The following FGF12 variants were observed in gnomAD, a reference collection of about 807,000 sequenced individuals.
The protein encoded by FGF12 is fibroblast growth factor 12B.
A neutral mutation model predicts 23.6 loss-of-function variants in FGF12; 14 were observed. The ratio of observed to expected loss-of-function variants is 0.59; its 90% CI spans 0.39 to 0.93. The LOEUF (loss-of-function observed/expected upper bound fraction) is 0.93, where lower values mean the gene tolerates loss of function less well. Ranked by LOEUF, FGF12 falls within the 40% of genes least tolerant of loss-of-function variation. The probability of loss-of-function intolerance (pLI) is 0.00; values close to 1 mark genes in which losing one functional copy is unlikely to be tolerated. For synonymous variants in FGF12, 62 were observed against 77.3 expected, an observed-to-expected ratio of 0.80 and a Z score of 1.04; for missense variants, 175 against 217.8, an observed-to-expected ratio of 0.80 and a Z score of 1.24.
At chr3:192,543,171 T>A (rs961849700) in intron 2 of FGF12, among the ~76,000 whole-genome samples, 2 of 152,168 alleles carry the variant, frequency 1.3e-5, no homozygotes, top group African/African-American at 4.8e-5. Flanking sequence ...ACCTTAGGAA[T>A]CTACCTGTTG....
At chr3:192,343,425 A>G (rs2108711528) in intron 3 of FGF12, among the ~76,000 whole-genome samples, 1 of 152,168 alleles carries the variant, frequency 6.6e-6, no homozygotes, top group East Asian at 1.9e-4. Context: ...ATTTTCTCCT[A>G]CAATAAATCC....
rs1266214233 is a variant in FGF12, at chr3:192,293,408, T to C, written c.228+41953A>G. Among the ~76,000 whole-genome samples, 3 of 152,246 alleles carry C rather than the reference T, an allele frequency of 2.0e-5. No homozygotes were observed. In the South Asian group the frequency reaches 6.2e-4, roughly 31 times the overall value. On this transcript the variant is annotated intron_variant, in intron 4 of 5. Transcript: ENST00000445105. ...CCAGTGCTAAATTTGAACCTCATTCTCAAGGGTTTTCTAAAATAAAACTTA... is the reference window on the plus strand; with the variant it reads ...CCAGTGCTAAATTTGAACCTCATTCCCAAGGGTTTTCTAAAATAAAACTTA...
At chr3:192,250,171 T>A (rs1441980153) in intron 4 of FGF12, among the ~76,000 whole-genome samples, 3 of 152,186 alleles carry the variant, frequency 2.0e-5, no homozygotes, top group Non-Finnish European at 4.4e-5. Flanking sequence ...AACCTAACGT[T>A]TTAGGGTATG....
chr3:192,551,023 CT>C (rs1711515135), intron 2 of FGF12, among the ~76,000 whole-genome samples: 1 of 152,162 alleles, frequency 6.6e-6, no homozygotes. Flanking sequence ...AACACTTCTG[CT>C]TCTAGCCATG....
At chr3:192,655,467 G>A (rs897889742) in intron 2 of FGF12, among the ~76,000 whole-genome samples, 8 of 152,112 alleles carry the variant, frequency 5.3e-5, no homozygotes, top group Admixed American at 3.9e-4. Flanking sequence ...GAATAGGAAC[G>A]CAGAATAGAA....
At chr3:192,538,199 C>T (rs1353701603) in intron 2 of FGF12, among the ~76,000 whole-genome samples, 1 of 152,072 alleles carries the variant, frequency 6.6e-6, no homozygotes, top group Non-Finnish European at 1.5e-5. Flanking sequence ...CCGCCCGCCT[C>T]GGCCTCCCAA....
At chr3:192,149,959 C>T (rs1227730516) in intron 5 of FGF12, among the ~76,000 whole-genome samples, 3 of 118,518 alleles carry the variant, frequency 2.5e-5, no homozygotes, top group African/African-American at 6.3e-5. Context: ...TATTTCTCCA[C>T]GTCCTCTCCA....
chr3:192,288,549 A>G (rs574658812), intron 4 of FGF12, among the ~76,000 whole-genome samples: 1 of 152,198 alleles, frequency 6.6e-6, no homozygotes, highest in African/African-American at 2.4e-5. Context: ...TTGTATCTTA[A>G]TTGATGATTC....
At chr3:192,464,212 T>C (rs114130559) in intron 2 of FGF12, among the ~76,000 whole-genome samples, 2,415 of 152,178 alleles carry the variant, frequency 0.016, 51 homozygotes, top group African/African-American at 0.053. Context: ...AGTGGTGATT[T>C]TGTGAGAATT....
At chr3:192,299,729 A>T (rs1277581210) in intron 4 of FGF12, among the ~76,000 whole-genome samples, 3 of 152,138 alleles carry the variant, frequency 2.0e-5, no homozygotes, top group African/African-American at 7.2e-5. Flanking sequence ...TGAGTTTACA[A>T]TTTGAAGGGA....
At chr3:192,433,194 C>T (rs893774158) in intron 2 of FGF12, among the ~76,000 whole-genome samples, 2 of 152,258 alleles carry the variant, frequency 1.3e-5, no homozygotes, top group Admixed American at 6.5e-5. Flanking sequence ...GCTGAGAAAA[C>T]AGAATCACAG....
At chr3:192,350,752 T>C (rs1718182665) in intron 3 of FGF12, among the ~76,000 whole-genome samples, 1 of 152,180 alleles carries the variant, frequency 6.6e-6, no homozygotes, top group African/African-American at 2.4e-5. Flanking sequence ...GGTGAGATTA[T>C]ATAAAACGTT....
At chr3:192,317,706 T>C (rs1237259622) in intron 4 of FGF12, among the ~76,000 whole-genome samples, 1 of 152,036 alleles carries the variant, frequency 6.6e-6, no homozygotes, top group African/African-American at 2.4e-5. Context: ...CACCTGCTGA[T>C]TACAGAGCCC....
intron 2 of FGF12, among the ~76,000 whole-genome samples, chr3:192,700,138 C>T (rs1034001031): frequency 1.3e-5 from 2 of 152,232 alleles, no homozygotes; most frequent in South Asian, 2.1e-4. Context: ...GGTTAAGCAA[C>T]GTCAGTTCTC....
intron 4 of FGF12, among the ~76,000 whole-genome samples, chr3:192,276,773 A>G (rs1481421857): frequency 1.3e-5 from 2 of 152,134 alleles, no homozygotes; most frequent in African/African-American, 4.8e-5. Flanking sequence ...ATTGGCTATG[A>G]AAAAATTATC....
intron 2 of FGF12, among the ~76,000 whole-genome samples, chr3:192,518,874 C>T (rs1378152944): frequency 2.7e-5 from 4 of 150,868 alleles, no homozygotes; most frequent in Admixed American, 1.3e-4. Flanking sequence ...TTTCTTTTTC[C>T]TTCCCCTCCC....
intron 2 of FGF12, among the ~76,000 whole-genome samples, chr3:192,410,994 C>G (rs1475085118): frequency 6.6e-6 from 1 of 152,168 alleles, no homozygotes; most frequent in African/African-American, 2.4e-5. Context: ...CCTTCAGACA[C>G]TTCACGAAGC....
intron 5 of FGF12, among the ~76,000 whole-genome samples, chr3:192,163,042 T>G (rs1714965740): frequency 6.6e-6 from 1 of 152,160 alleles, no homozygotes; most frequent in African/African-American, 2.4e-5. Flanking sequence ...ATTATTCCTT[T>G]GAAGCAGGTG....
At chr3:192,522,424 A>G (rs919367175) in intron 2 of FGF12, among the ~76,000 whole-genome samples, 1 of 152,194 alleles carries the variant, frequency 6.6e-6, no homozygotes, top group Non-Finnish European at 1.5e-5. Flanking sequence ...AATACCGTAT[A>G]AGATTTCAAG....
Sources: gnomAD v4.1 joint callset for allele counts (sites outside exome capture counted in the v4.1 genomes callset) on GRCh38, gnomAD v4.1.1 for gene constraint, MANE v1.5 for transcripts, NCBI Gene and HGNC (gene_info 2026-07-23, HGNC 2026-07-21) for gene names.